The following NTRK2 variants were observed in gnomAD, a reference collection of about 807,000 sequenced individuals.
NTRK2 encodes the protein BDNF/NT-3 growth factors receptor.
In NTRK2, 13 loss-of-function variants were observed where a neutral mutation model predicts 94.5. The observed-to-expected ratio is 0.14, with a 90% CI of 0.09 to 0.22. NTRK2 has a LOEUF of 0.22. Ranked by LOEUF, NTRK2 falls within the 10% of genes least tolerant of loss-of-function variation. NTRK2 has a pLI of 1.00. For synonymous variants in NTRK2, 372 were observed against 407.4 expected (o/e 0.91, Z 1.05); for missense variants, 639 against 1,071.2 (o/e 0.60, Z 5.63).
At chr9:84,761,353 A>G (rs2065547808) in intron 12 of NTRK2, among the ~76,000 whole-genome samples, 1 of 152,168 alleles carries the variant, frequency 6.6e-6, no homozygotes, top group South Asian at 2.1e-4. Context: ...TGGTGTTTCT[A>G]TTTATGGTTG....
At chr9:84,873,080 GAGTTACCAGAGATTATCTGC>G in intron 14 of NTRK2, 2 of 1,064,316 alleles carry the variant, frequency 1.9e-6, no homozygotes, top group Non-Finnish European at 1.1e-6. Flanking sequence ...GGGCCCCTCA[GAGTTACCAGAGATTATCTGC>G]AGACTTCAGT....
At chr9:84,997,516 C>T (rs1204579270) in intron 17 of NTRK2, among the ~76,000 whole-genome samples, 1 of 152,180 alleles carries the variant, frequency 6.6e-6, no homozygotes, top group African/African-American at 2.4e-5. Context: ...AGTCAAATCC[C>T]TGTACCAGAA....
At chr9:85,001,468 C>T (rs1830337131) in intron 17 of NTRK2, among the ~76,000 whole-genome samples, 1 of 152,236 alleles carries the variant, frequency 6.6e-6, no homozygotes, top group South Asian at 2.1e-4. Context: ...GCAGTACACA[C>T]AAGCCTGTTG....
chr9:84,670,893 T>A lies in NTRK2; in HGVS notation c.145T>A (p.Ser49Thr). 1 of 1,612,558 alleles carries A rather than the reference T, an allele frequency of 6.2e-7. No individual in the cohort carries two copies. The highest frequency in any genetic ancestry group is 1.1e-5 in the South Asian group (1 of 91,086). ...CTCTCGGATCTGGTGCAGCGACCCT[T>A]CTCCTGGCATCGTGGCATTTCCGAG... ...SASRIWCSDP[S>T]PGIVAFPRLE... Residue 49 changes from serine to threonine, a missense_variant, in exon 2 of 19, where the codon TCT (serine) becomes ACT (threonine). By Grantham distance (58) the Ser-to-Thr change is moderately conservative. Transcript: ENST00000277120.
chr9:84,689,048 G>C (rs1007729099), intron 2 of NTRK2, among the ~76,000 whole-genome samples: 1 of 152,236 alleles, frequency 6.6e-6, no homozygotes, highest in Non-Finnish European at 1.5e-5. Flanking sequence ...GTTAAAGTGA[G>C]CTGATGCATG....
chr9:84,774,262 C>T (rs2066825549), intron 12 of NTRK2, among the ~76,000 whole-genome samples: 2 of 152,146 alleles, frequency 1.3e-5, no homozygotes, highest in African/African-American at 2.4e-5. Flanking sequence ...GAAACGAGGG[C>T]CAATGGCCTT....
chr9:84,753,058 G>A (rs1588375097), intron 12 of NTRK2, among the ~76,000 whole-genome samples: 1 of 152,126 alleles, frequency 6.6e-6, no homozygotes, highest in African/African-American at 2.4e-5. Context: ...CTGACATCTG[G>A]GATAGAGCAG....
At chr9:84,918,722 G>A (rs1482242214) in intron 14 of NTRK2, among the ~76,000 whole-genome samples, 1 of 152,196 alleles carries the variant, frequency 6.6e-6, no homozygotes, top group Non-Finnish European at 1.5e-5. Flanking sequence ...TGTTGCGTAT[G>A]GTAGCCGAGT....
intron 9 of NTRK2, among the ~76,000 whole-genome samples, chr9:84,736,158 T>C (rs149928212): frequency 1.3e-5 from 2 of 152,298 alleles, no homozygotes; most frequent in East Asian, 1.9e-4. Flanking sequence ...TTTTAAAGCT[T>C]ACCATTCTTT....
At position 84,689,167 on chromosome 9, in the gene NTRK2, G is replaced by C; in HGVS notation, c.213-12992G>C. On this transcript the variant is annotated intron_variant, in intron 2 of 18. Transcript: ENST00000277120. The stretch of plus-strand genomic sequence containing the variant: ...AATATGATTCAGAGGAAACTACTCT[G>C]TGAGGTTGGGAGGACTGAAAAGCAA... Among the ~76,000 whole-genome samples, 2 of 152,370 alleles carry C rather than the reference G, an allele frequency of 1.3e-5. 1 individual carries two copies. The highest frequency in any genetic ancestry group is 4.8e-5 in the African/African-American group (2 of 41,588).
chr9:84,870,927 T>G (rs1231709194), intron 14 of NTRK2, among the ~76,000 whole-genome samples: 2 of 152,228 alleles, frequency 1.3e-5, no homozygotes, highest in African/African-American at 4.8e-5. Context: ...CGCTGAATTG[T>G]AAGAATCTAA....
chr9:85,024,435 T>G lies in NTRK2; in HGVS notation c.*2998T>G. 1 of 233,056 alleles carries G rather than the reference T, an allele frequency of 4.3e-6. No individual in the cohort carries two copies. Among genetic ancestry groups the G allele is most frequent in the East Asian group, 6.0e-5 (1 of 16,534 alleles). The allele number at this position is 233,056 out of a possible 1,614,324, so 14.4% of individuals were successfully genotyped here. ...TCATTTCCATTTAGAAGTCATTGAA[T>G]AGTTTTCCAAACACTTTCCATGTGT... On this transcript the variant is annotated 3_prime_UTR_variant, in exon 19 of 19. Transcript: ENST00000277120.
At chr9:84,671,155 C>CTTA (rs2058677279) in intron 2 of NTRK2, among the ~76,000 whole-genome samples, 195 bp downstream of exon 2, 1 of 152,170 alleles carries the variant, frequency 6.6e-6, no homozygotes, top group African/African-American at 2.4e-5. Context: ...AAGTGTGACA[C>CTTA]TTTAGAATAA....
chr9:84,756,711 C>T (rs1304792678), intron 12 of NTRK2, among the ~76,000 whole-genome samples: 1 of 152,216 alleles, frequency 6.6e-6, no homozygotes, highest in Non-Finnish European at 1.5e-5. Context: ...ATAGACTGCA[C>T]AGATTTCCTC....
chr9:84,714,591 G>A (rs2061601107), intron 6 of NTRK2, among the ~76,000 whole-genome samples: 1 of 152,158 alleles, frequency 6.6e-6, no homozygotes, highest in Non-Finnish European at 1.5e-5. Flanking sequence ...TTCAGGAGAA[G>A]TTATAATCTA....
intron 17 of NTRK2, among the ~76,000 whole-genome samples, chr9:84,962,014 A>T (rs1036227209): frequency 6.6e-6 from 1 of 152,240 alleles, no homozygotes; most frequent in Non-Finnish European, 1.5e-5. Flanking sequence ...TTCTGAGGCT[A>T]TCAAAATACG....
At position 85,024,769 on chromosome 9, in the gene NTRK2, T is replaced by G; in HGVS notation, c.*3332T>G. ...GCTCTTAGCTTCAGCTAAATTCAGC[T>G]AAATTCTTGTACACTGAACCAATGT... On this transcript the variant is annotated 3_prime_UTR_variant, in exon 19 of 19. Coordinates refer to ENST00000277120, the MANE Select transcript of NTRK2 (RefSeq NM_006180.6). 1 of 233,162 alleles carries G rather than the reference T, an allele frequency of 4.3e-6. No individual in the cohort carries two copies. The highest frequency in any genetic ancestry group is 1.8e-4 in the South Asian group (1 of 5,530). The allele number at this position is 233,162 out of a possible 1,614,324, so 14.4% of individuals were successfully genotyped here.
At position 84,933,108 on chromosome 9, in the gene NTRK2, T is replaced by G. The variant is rs1301361413; in HGVS notation, c.1634-1054T>G. Among the ~76,000 whole-genome samples, 4 of 152,176 alleles carry G rather than the reference T, an allele frequency of 2.6e-5. 1 individual carries two copies. The South Asian group carries it at 8.3e-4, about 32-fold the overall frequency. On this transcript the variant is annotated intron_variant, in intron 14 of 18. Coordinates refer to ENST00000277120, the MANE Select transcript of NTRK2 (RefSeq NM_006180.6). Reference sequence around the variant, plus strand: ...TGAGACTGAAATGAGAGAATATAGTTGGCCACACATTCCAAGCTCTAGAGG... The same window carrying G: ...TGAGACTGAAATGAGAGAATATAGTGGGCCACACATTCCAAGCTCTAGAGG...
chr9:84,847,878 G>T (rs904194099), intron 12 of NTRK2, among the ~76,000 whole-genome samples: 1 of 152,168 alleles, frequency 6.6e-6, no homozygotes, highest in African/African-American at 2.4e-5. Context: ...ATATTAGTCT[G>T]CTCAGGCTGC....
Sources: allele counts gnomAD v4.1 joint callset (sites outside exome capture counted in the v4.1 genomes callset), GRCh38; gene constraint gnomAD v4.1.1; transcripts MANE v1.5; gene names NCBI Gene and HGNC (gene_info 2026-07-23, HGNC 2026-07-21).